Variants in ST3GAL3 observed in about 807,000 individuals in gnomAD.
ST3GAL3 encodes the protein CMP-N-acetylneuraminate-beta-1,4-galactoside alpha-2,3-sialyltransferase.
Under a neutral mutation model 50.1 loss-of-function variants are expected in ST3GAL3, and 21 were observed. That is an observed-to-expected ratio of 0.42 (90% confidence interval 0.30 to 0.60). The LOEUF is 0.60. Among genes scored for constraint, ST3GAL3 ranks in the 20% least tolerant of loss-of-function variants. The probability of loss-of-function intolerance (pLI) is 0.19; values close to 1 mark genes in which losing one functional copy is unlikely to be tolerated. For synonymous variants in ST3GAL3, 183 were observed against 190.0 expected (o/e 0.96, Z 0.30); for missense variants, 353 against 489.4 (o/e 0.72, Z 2.63).
At chr1:43,712,612 G>C (rs1665329421) in intron 1 of ST3GAL3, among the ~76,000 whole-genome samples, 1 of 152,218 alleles carries the variant, frequency 6.6e-6, no homozygotes, top group Non-Finnish European at 1.5e-5. Flanking sequence ...TGAGGGTCTT[G>C]TGGGATCTTC....
intron 11 of ST3GAL3, among the ~76,000 whole-genome samples, chr1:43,926,314 C>T (rs980346585): frequency 6.6e-5 from 10 of 152,168 alleles, no homozygotes; most frequent in African/African-American, 2.4e-4. Context: ...TCTGGCCGGG[C>T]GCGGTCCCTC....
chr1:43,716,172 A>G (rs1667282193), intron 1 of ST3GAL3, among the ~76,000 whole-genome samples: 1 of 152,182 alleles, frequency 6.6e-6, no homozygotes, highest in African/African-American at 2.4e-5. Context: ...AAAAACCACA[A>G]TTATTTTTGC....
chr1:43,768,306 G>A (rs1171809258), intron 2 of ST3GAL3, among the ~76,000 whole-genome samples: 2 of 151,988 alleles, frequency 1.3e-5, no homozygotes, highest in Non-Finnish European at 2.9e-5. Context: ...TGGGTGTGGT[G>A]GTACATGCCT....
At position 43,721,246 on chromosome 1, in the gene ST3GAL3, TAAAA is replaced by T. The variant is rs1466934579; in HGVS notation, c.-31+13555_-31+13558del. 4.8e-5 allele frequency among the ~76,000 whole-genome samples: 7 copies of T among 145,854 alleles called. No homozygotes were observed. In the Admixed American group the frequency reaches 4.9e-4, roughly 10 times the overall value. ...TGCAACAGAGCAAGACCCTGTCTCT[TAAAA>T]AGAAAAAAAAAAGAAGAAAAGAAAT... is the stretch of plus-strand genomic sequence containing the variant. On this transcript the variant is annotated intron_variant, in intron 1 of 11. Coordinates refer to ENST00000347631, the MANE Select transcript of ST3GAL3 (RefSeq NM_006279.5).
At chr1:43,718,328 T>C (rs893137458) in intron 1 of ST3GAL3, among the ~76,000 whole-genome samples, 1 of 151,192 alleles carries the variant, frequency 6.6e-6, no homozygotes, top group Non-Finnish European at 1.5e-5. Context: ...TAGCTGGGAC[T>C]ATAGGCGCCC....
chr1:43,765,811 CCGCGTG>C (rs1433707641), intron 2 of ST3GAL3, among the ~76,000 whole-genome samples: 23 of 143,860 alleles, frequency 1.6e-4, no homozygotes, highest in African/African-American at 6.3e-4. Context: ...GTCCGCGCGT[CCGCGTG>C]CGCTTTTTTT....
At chr1:43,883,143 A>C (rs2075431453) in intron 5 of ST3GAL3, among the ~76,000 whole-genome samples, 1 of 151,718 alleles carries the variant, frequency 6.6e-6, no homozygotes, top group Non-Finnish European at 1.5e-5. Context: ...TTTCAATTTT[A>C]TTTTTCATAA....
chr1:43,788,367 C>T (rs1288548547), intron 2 of ST3GAL3, among the ~76,000 whole-genome samples: 1 of 152,218 alleles, frequency 6.6e-6, no homozygotes, highest in African/African-American at 2.4e-5. Context: ...TTTATTGTTG[C>T]TCATCCGGGC....
chr1:43,776,227 C>T (rs889213387), intron 2 of ST3GAL3, among the ~76,000 whole-genome samples: 1 of 152,130 alleles, frequency 6.6e-6, no homozygotes, highest in Non-Finnish European at 1.5e-5. Flanking sequence ...CTCAGTCACC[C>T]GTATCCCTAG....
chr1:43,831,665 C>T (rs2063565226), intron 4 of ST3GAL3: 1 of 152,238 alleles, frequency 6.6e-6, no homozygotes, highest in Non-Finnish European at 1.5e-5. Flanking sequence ...TACCATTCAG[C>T]TCATGCTGGA....
intron 5 of ST3GAL3, among the ~76,000 whole-genome samples, chr1:43,854,249 T>A (rs1381070609): frequency 6.6e-6 from 1 of 152,194 alleles, no homozygotes; most frequent in Non-Finnish European, 1.5e-5. Context: ...CGCTTCCTCA[T>A]GTCCCTCTAT....
At chr1:43,840,315 C>T (rs1268312868) in intron 5 of ST3GAL3, 1 of 152,196 alleles carries the variant, frequency 6.6e-6, no homozygotes, top group Non-Finnish European at 1.5e-5. Flanking sequence ...GTTTGAGCCA[C>T]TGAGCCTGTC....
intron 3 of ST3GAL3, among the ~76,000 whole-genome samples, chr1:43,797,287 A>C (rs2058786217): frequency 6.6e-6 from 1 of 152,324 alleles, no homozygotes; most frequent in South Asian, 2.1e-4. Context: ...AGAACCAAAT[A>C]AAGCAATAAA....
At chr1:43,859,130 G>A (rs1229234841) in intron 5 of ST3GAL3, among the ~76,000 whole-genome samples, 3 of 152,148 alleles carry the variant, frequency 2.0e-5, no homozygotes, top group Non-Finnish European at 4.4e-5. Flanking sequence ...TGGGCCACGT[G>A]GCCTCTGTTC....
intron 5 of ST3GAL3, among the ~76,000 whole-genome samples, chr1:43,883,086 C>G (rs1293525371): frequency 6.6e-6 from 1 of 152,040 alleles, no homozygotes; most frequent in Non-Finnish European, 1.5e-5. Context: ...CCTCAGCCTC[C>G]CAAGTAACTG....
intron 5 of ST3GAL3, among the ~76,000 whole-genome samples, chr1:43,872,767 AT>A (rs923599791): frequency 6.6e-6 from 1 of 152,170 alleles, no homozygotes; most frequent in African/African-American, 2.4e-5. Context: ...GGTGTACAGT[AT>A]TTTAGATGGT....
chr1:43,908,930 C>A (rs1159573980), intron 9 of ST3GAL3, among the ~76,000 whole-genome samples: 1 of 152,116 alleles, frequency 6.6e-6, no homozygotes, highest in African/African-American at 2.4e-5. Flanking sequence ...CTGCGCCCGG[C>A]CCTTGCCACT....
chr1:43,915,221 C>G (rs550573672), intron 9 of ST3GAL3, among the ~76,000 whole-genome samples: 1 of 152,286 alleles, frequency 6.6e-6, no homozygotes, highest in African/African-American at 2.4e-5. Flanking sequence ...CTGCTGGTCA[C>G]TGGGCGCCCT....
chr1:43,792,164 C>T lies in ST3GAL3; in HGVS notation c.166+15C>T, dbSNP rs776232215. 2 of 1,614,186 alleles carry T rather than the reference C, an allele frequency of 1.2e-6. No homozygotes were observed. The highest frequency in any genetic ancestry group is 3.3e-5 in the Admixed American group (2 of 60,028). ...ACTAGGCTCAGGTACCAACTCTTCC[C>T]CCTCTATCATCTTTTTGGCCTTCAA... On this transcript the variant is annotated intron_variant, in intron 3 of 11. Transcript: ENST00000347631.
Sources: gnomAD v4.1 joint callset for allele counts (sites outside exome capture counted in the v4.1 genomes callset) on GRCh38, gnomAD v4.1.1 for gene constraint, MANE v1.5 for transcripts, NCBI Gene and HGNC (gene_info 2026-07-23, HGNC 2026-07-21) for gene names.